The following GNG7 variants were observed in gnomAD, a reference collection of about 807,000 sequenced individuals.
The protein encoded by GNG7 is guanine nucleotide-binding protein G(I)/G(S)/G(O) subunit gamma-7.
A neutral mutation model predicts 4.0 loss-of-function variants in GNG7; 1 was observed. The observed-to-expected ratio is 0.25, with a 90% CI of 0.09 to 1.18. The LOEUF (loss-of-function observed/expected upper bound fraction) is 1.18. GNG7 is among the 50% of genes most tolerant of loss of function. GNG7 has a pLI of 0.50. For synonymous variants in GNG7, 34 were observed against 36.9 expected, an observed-to-expected ratio of 0.92 and a Z score of 0.29; for missense variants, 86 against 91.9, an observed-to-expected ratio of 0.94 and a Z score of 0.26.
rs927416671 is a variant in GNG7 at position 2,614,617 on chromosome 19, G to C, written c.-78+31607C>G. On this transcript the variant is annotated intron_variant, in intron 2 of 4. Transcript: ENST00000382159. The surrounding 1 kb of genome is among the most constrained non-coding windows in gnomAD (Gnocchi z 6.0). ...GGGCATCCAGGCTGCACGTGGCCTG[G>C]GTCAGAGTCTCGTTCACGGCTGAGT... Among the ~76,000 whole-genome samples, 1 of 152,170 alleles carries C rather than the reference G, an allele frequency of 6.6e-6. No homozygotes were observed. The highest frequency in any genetic ancestry group is 2.4e-5 in the African/African-American group (1 of 41,450).
At chr19:2,573,031 T>G (rs1295666595) in intron 2 of GNG7, among the ~76,000 whole-genome samples, 1 of 148,738 alleles carries the variant, frequency 6.7e-6, no homozygotes, top group Non-Finnish European at 1.5e-5. Context: ...TTTTTTTTTT[T>G]TTTTTTTGTT....
rs570762004 is a variant in GNG7, at chr19:2,669,258, A to G, written c.-134-22978T>C. ...TGCCATCCCAGCACTTTGGGAGGCT[A>G]AGGCGGGCAGATCACGAGGTCGGGA... On this transcript the variant is annotated intron_variant, in intron 1 of 4. Coordinates refer to ENST00000382159, the MANE Select transcript of GNG7 (RefSeq NM_052847.3). Among the ~76,000 whole-genome samples, 66 of 151,964 alleles carry G rather than the reference A, an allele frequency of 4.3e-4. 1 individual carries two copies. Among genetic ancestry groups the G allele is most frequent in the South Asian group, 1.2e-3 (6 of 4,810 alleles).
chr19:2,520,135 C>T lies in GNG7; in HGVS notation c.81+473G>A, dbSNP rs3795025. On this transcript the variant is annotated intron_variant, in intron 4 of 4. Transcript: ENST00000382159. ...GGCAGAGGTTGCAGTGAGCCGAGAT[C>T]GCGCCACTGCACTCCAGCCTGGGTG... Among the ~76,000 whole-genome samples the T allele has an allele frequency of 2.2e-3, 338 of 152,270 alleles. 8 individuals carry two copies. In the East Asian group the frequency reaches 0.055, roughly 25 times the overall value.
At chr19:2,640,540 G>C (rs757216149) in intron 2 of GNG7, among the ~76,000 whole-genome samples, 1 of 152,204 alleles carries the variant, frequency 6.6e-6, no homozygotes, top group African/African-American at 2.4e-5. Context: ...CCCAGCACAG[G>C]CTTGGCAAGA....
intron 2 of GNG7, among the ~76,000 whole-genome samples, chr19:2,612,566 G>C (rs1981601922): frequency 1.3e-5 from 2 of 152,010 alleles, no homozygotes; most frequent in African/African-American, 4.8e-5. Flanking sequence ...CAGGGTTCCT[G>C]GAAATGTTTT....
chr19:2,573,873 G>T (rs937393043), intron 2 of GNG7, among the ~76,000 whole-genome samples: 21 of 152,128 alleles, frequency 1.4e-4, no homozygotes, highest in African/African-American at 5.1e-4. Context: ...AAGTGGGATT[G>T]GCATTTCCCT....
intron 3 of GNG7, among the ~76,000 whole-genome samples, chr19:2,553,328 G>A (rs1227546962): frequency 6.7e-6 from 1 of 149,408 alleles, no homozygotes; most frequent in Non-Finnish European, 1.5e-5. Flanking sequence ...GATCAGCGAT[G>A]GTTTCAGGTT....
intron 2 of GNG7, among the ~76,000 whole-genome samples, chr19:2,600,292 G>C (rs1034376001): frequency 6.6e-6 from 1 of 151,286 alleles, no homozygotes; most frequent in African/African-American, 2.4e-5. Flanking sequence ...GGGAAATAGT[G>C]GCATTGTTTT....
intron 3 of GNG7, among the ~76,000 whole-genome samples, chr19:2,523,658 A>G (rs1358317901): frequency 6.6e-6 from 1 of 152,112 alleles, no homozygotes; most frequent in Non-Finnish European, 1.5e-5. Context: ...AATACTGAAT[A>G]CTGTGGAACC....
At chr19:2,695,196 G>A (rs1362307351) in intron 1 of GNG7, among the ~76,000 whole-genome samples, 1 of 151,952 alleles carries the variant, frequency 6.6e-6, no homozygotes, top group Non-Finnish European at 1.5e-5. Flanking sequence ...AGATGGGCCA[G>A]TCTCCACCAA....
At chr19:2,544,966 C>T (rs1038947871) in intron 3 of GNG7, among the ~76,000 whole-genome samples, 6 of 152,190 alleles carry the variant, frequency 3.9e-5, no homozygotes, top group African/African-American at 1.2e-4. Flanking sequence ...AAGCTCCCAA[C>T]GGGATGGATG....
intron 3 of GNG7, among the ~76,000 whole-genome samples, chr19:2,551,206 C>T (rs550767559): frequency 2.0e-5 from 3 of 152,296 alleles, no homozygotes; most frequent in Admixed American, 6.5e-5. Context: ...TCACCCTGGC[C>T]GTTTGACCTC....
intron 2 of GNG7, among the ~76,000 whole-genome samples, chr19:2,570,327 T>C (rs1599397597): frequency 6.6e-6 from 1 of 152,104 alleles, no homozygotes; most frequent in Non-Finnish European, 1.5e-5. Flanking sequence ...CCAGATAAAC[T>C]TCTATGCTTT....
At chr19:2,592,931 G>A (rs932333288) in intron 2 of GNG7, among the ~76,000 whole-genome samples, 9 of 143,414 alleles carry the variant, frequency 6.3e-5, no homozygotes, top group African/African-American at 2.4e-4. Context: ...GAGAGGGAGG[G>A]AAGGAAGGAA....
At chr19:2,642,998 G>C (rs1333108545) in intron 2 of GNG7, 1 of 448,820 alleles carries the variant, frequency 2.2e-6, no homozygotes, top group Admixed American at 2.4e-5. Context: ...CGCCCTCTCC[G>C]GGCTCTACAC....
Position 2,581,077 on chromosome 19 carries a change from T to C in GNG7, c.-77-25889A>G, listed in dbSNP as rs184943781. Among the ~76,000 whole-genome samples, 914 of 152,244 alleles carry C rather than the reference T, an allele frequency of 6.0e-3. 37 individuals carry two copies. Among genetic ancestry groups the C allele is most frequent in the Admixed American group, 0.055 (844 of 15,284 alleles). On this transcript the variant is annotated intron_variant, in intron 2 of 4. Coordinates refer to ENST00000382159, the MANE Select transcript of GNG7 (RefSeq NM_052847.3). ...ACTGCGCCCGGCCTCTGCCTGGTTG[T>C]TGAGGCAGAGACTGGTGTCTTCTTC...
intron 2 of GNG7, among the ~76,000 whole-genome samples, chr19:2,597,653 T>C (rs1451716475): frequency 6.8e-6 from 1 of 147,574 alleles, no homozygotes; most frequent in African/African-American, 2.5e-5. Flanking sequence ...TCCCAGCACT[T>C]TGGGAGGCCG....
At chr19:2,527,057 G>A (rs913380185) in intron 3 of GNG7, among the ~76,000 whole-genome samples, 1 of 152,012 alleles carries the variant, frequency 6.6e-6, no homozygotes, top group African/African-American at 2.4e-5. Flanking sequence ...TGTTGGTCAG[G>A]CTGGTCTCAA....
At chr19:2,574,013 C>G (rs185431514) in intron 2 of GNG7, among the ~76,000 whole-genome samples, 1 of 152,198 alleles carries the variant, frequency 6.6e-6, no homozygotes, top group Non-Finnish European at 1.5e-5. Flanking sequence ...TCTGCCGCCT[C>G]GGGGAGGCCT....
Sources: allele counts gnomAD v4.1 joint callset (sites outside exome capture counted in the v4.1 genomes callset), GRCh38; gene constraint gnomAD v4.1.1; non-coding constraint Gnocchi (gnomAD v3.1); transcripts MANE v1.5; gene names NCBI Gene and HGNC (gene_info 2026-07-23, HGNC 2026-07-21).